Variants in TNR observed in about 807,000 individuals in gnomAD.
TNR encodes the protein tenascin R.
Under a neutral mutation model 150.4 loss-of-function variants are expected in TNR, and 45 were observed. That is an observed-to-expected ratio of 0.30 (90% CI 0.24 to 0.38). TNR has a LOEUF of 0.38. TNR is among the 10% of genes least tolerant of loss of function. TNR has a pLI of 1.00. For missense variants in TNR, 1,544 were observed against 1,759.1 expected, an observed-to-expected ratio of 0.88 and a Z score of 2.19; for synonymous variants, 687 against 678.4, an observed-to-expected ratio of 1.01 and a Z score of -0.20.
At chr1:175,523,337 G>A (rs1012619729) in intron 2 of TNR, among the ~76,000 whole-genome samples, 7 of 152,180 alleles carry the variant, frequency 4.6e-5, no homozygotes, top group African/African-American at 1.2e-4. Context: ...TGCAAATGAT[G>A]AGCACTTATA....
intron 18 of TNR, among the ~76,000 whole-genome samples, chr1:175,341,738 T>C (rs1480451750): frequency 6.6e-6 from 1 of 152,236 alleles, no homozygotes; most frequent in Non-Finnish European, 1.5e-5. Context: ...ATGTCAGCAT[T>C]TGTCTCTGAA....
At chr1:175,450,481 A>T (rs1656253411) in intron 2 of TNR, among the ~76,000 whole-genome samples, 1 of 152,226 alleles carries the variant, frequency 6.6e-6, no homozygotes, top group Non-Finnish European at 1.5e-5. Context: ...GTGCTGGGTT[A>T]AGTTCTCTGC....
At chr1:175,691,310 A>C (rs900870910) in intron 1 of TNR, among the ~76,000 whole-genome samples, 3 of 152,172 alleles carry the variant, frequency 2.0e-5, no homozygotes, top group Admixed American at 1.3e-4. Flanking sequence ...AATGATGATG[A>C]TAATTATAAG....
chr1:175,572,195 G>A (rs1661901613), intron 1 of TNR, among the ~76,000 whole-genome samples: 1 of 152,186 alleles, frequency 6.6e-6, no homozygotes, highest in Non-Finnish European at 1.5e-5. Context: ...ACCTCAGCCT[G>A]AGCCTACTGC....
intron 9 of TNR, among the ~76,000 whole-genome samples, chr1:175,374,548 A>G (rs1319363584): frequency 6.6e-6 from 1 of 152,098 alleles, no homozygotes; most frequent in Non-Finnish European, 1.5e-5. Context: ...TTGTGTGTAC[A>G]TGTGTGCATG....
At chr1:175,632,208 T>G (rs148138956) in intron 1 of TNR, among the ~76,000 whole-genome samples, 1 of 152,246 alleles carries the variant, frequency 6.6e-6, no homozygotes, top group South Asian at 2.1e-4. Flanking sequence ...GTAGAAATTT[T>G]GCAAACAAAA....
intron 2 of TNR, among the ~76,000 whole-genome samples, chr1:175,423,949 G>T (rs563102967): frequency 2.0e-5 from 3 of 152,222 alleles, no homozygotes; most frequent in East Asian, 3.9e-4. Context: ...GGCCTTGGGG[G>T]TTAGAATCCC....
intron 1 of TNR, among the ~76,000 whole-genome samples, chr1:175,672,017 T>C (rs1665716688): frequency 6.6e-6 from 1 of 151,868 alleles, no homozygotes; most frequent in African/African-American, 2.4e-5. Flanking sequence ...ACACACTAGT[T>C]GGCTCATAGC....
chr1:175,683,890 TG>T (rs1666111885), intron 1 of TNR, among the ~76,000 whole-genome samples: 1 of 152,230 alleles, frequency 6.6e-6, no homozygotes, highest in South Asian at 2.1e-4. Flanking sequence ...GCTCTGGTCC[TG>T]TGAGAAGGCA....
At chr1:175,623,500 G>T (rs1432389632) in intron 1 of TNR, among the ~76,000 whole-genome samples, 1 of 152,206 alleles carries the variant, frequency 6.6e-6, no homozygotes, top group Admixed American at 6.5e-5. Context: ...GCCTGCAGGT[G>T]ACCTGGTCCC....
chr1:175,392,444 C>A (rs1653219672), intron 6 of TNR, among the ~76,000 whole-genome samples: 1 of 152,226 alleles, frequency 6.6e-6, no homozygotes, highest in African/African-American at 2.4e-5. Context: ...TTGACCTTGG[C>A]ATTCCCTGGT....
chr1:175,669,839 C>T (rs531228018), intron 1 of TNR, among the ~76,000 whole-genome samples: 14 of 152,174 alleles, frequency 9.2e-5, no homozygotes, highest in Admixed American at 5.9e-4. Flanking sequence ...AAAAAATGAC[C>T]TTTGCTGCCA....
At chr1:175,332,940 C>T (rs1240561724) in intron 20 of TNR, among the ~76,000 whole-genome samples, 1 of 152,176 alleles carries the variant, frequency 6.6e-6, no homozygotes, top group African/African-American at 2.4e-5. Flanking sequence ...AAAGGTATTT[C>T]CAAATTTAAT....
At chr1:175,545,631 C>T (rs544712703) in intron 1 of TNR, among the ~76,000 whole-genome samples, 16 of 152,240 alleles carry the variant, frequency 1.1e-4, no homozygotes, top group African/African-American at 3.9e-4. Context: ...TCTGGCACTG[C>T]TTTGATTGCC....
intron 2 of TNR, among the ~76,000 whole-genome samples, chr1:175,511,739 G>T (rs1383617767): frequency 6.6e-6 from 1 of 152,178 alleles, no homozygotes; most frequent in African/African-American, 2.4e-5. Flanking sequence ...TCCTGGGACT[G>T]CTTCTCACAC....
intron 2 of TNR, among the ~76,000 whole-genome samples, chr1:175,458,034 T>C (rs1395940965): frequency 6.6e-6 from 1 of 152,202 alleles, no homozygotes; most frequent in African/African-American, 2.4e-5. Context: ...ATCTGTAAAA[T>C]GGGGAAATAG....
chr1:175,391,185 A>T, intron 7 of TNR, 103 bp downstream of exon 7: 1 of 1,452,586 alleles, frequency 6.9e-7, no homozygotes, highest in Non-Finnish European at 9.3e-7. Flanking sequence ...CTCTAGGAGA[A>T]ATTCTAGCAC....
At chr1:175,731,930 T>C (rs944815258) in intron 1 of TNR, among the ~76,000 whole-genome samples, 2 of 152,238 alleles carry the variant, frequency 1.3e-5, no homozygotes, top group African/African-American at 4.8e-5. Flanking sequence ...TTTGCTGCTG[T>C]GTCTGGCATG....
At chr1:175,417,034 A>AGAAAGAAAGAAAGAAAGAAG (rs1461503492) in intron 2 of TNR, among the ~76,000 whole-genome samples, 3 of 98,576 alleles carry the variant, frequency 3.0e-5, no homozygotes, top group African/African-American at 1.1e-4. Context: ...AAAGAAAGAA[A>AGAAAGAAAGAAAGAAAGAAG]GAAAGAAAGA....
Sources: allele counts gnomAD v4.1 joint callset (sites outside exome capture counted in the v4.1 genomes callset), GRCh38; gene constraint gnomAD v4.1.1; transcripts MANE v1.5; gene names NCBI Gene and HGNC (gene_info 2026-07-23, HGNC 2026-07-21).